Variants in ABI3BP observed in about 807,000 individuals in gnomAD.
ABI3BP encodes the protein target of Nesh-SH3.
A neutral mutation model predicts 268.6 loss-of-function variants in ABI3BP; 216 were observed. The ratio of observed to expected loss-of-function variants is 0.80; its 90% CI spans 0.72 to 0.90. The LOEUF (loss-of-function observed/expected upper bound fraction) is 0.90. ABI3BP is among the 40% of genes least tolerant of loss of function. The pLI is 0.00. For synonymous variants in ABI3BP, 730 were observed against 730.0 expected (o/e 1.00, Z 0.00); for missense variants, 2,090 against 2,182.4 (o/e 0.96, Z 0.84).
At chr3:100,796,077 G>C (rs886455075) in intron 52 of ABI3BP, among the ~76,000 whole-genome samples, 1 of 152,000 alleles carries the variant, frequency 6.6e-6, no homozygotes, top group Non-Finnish European at 1.5e-5. Context: ...ATTTCGAGTA[G>C]GCACCCACTT....
intron 65 of ABI3BP, among the ~76,000 whole-genome samples, chr3:100,753,529 C>A (rs2095451207): frequency 6.6e-6 from 1 of 151,930 alleles, no homozygotes; most frequent in African/African-American, 2.4e-5. Flanking sequence ...TGGGCTCAAG[C>A]AATCCTCCCA....
intron 63 of ABI3BP, among the ~76,000 whole-genome samples, chr3:100,758,583 A>C (rs566815391): frequency 6.6e-6 from 1 of 152,308 alleles, no homozygotes; most frequent in East Asian, 1.9e-4. Flanking sequence ...AAGATCGAAA[A>C]TTTAACAGGT....
chr3:100,963,633 C>A (rs1435012614), intron 1 of ABI3BP, among the ~76,000 whole-genome samples: 1 of 152,194 alleles, frequency 6.6e-6, no homozygotes, highest in Non-Finnish European at 1.5e-5. Context: ...ATGTAGTTGA[C>A]CCTCCAATGT....
chr3:100,854,542 T>G (rs943842025), intron 14 of ABI3BP, among the ~76,000 whole-genome samples: 13 of 152,308 alleles, frequency 8.5e-5, no homozygotes, highest in Middle Eastern at 6.8e-3. Flanking sequence ...AGCTATAAAA[T>G]TGATAAGTAG....
chr3:100,844,717 G>A (rs2098747821), intron 20 of ABI3BP, among the ~76,000 whole-genome samples: 1 of 151,552 alleles, frequency 6.6e-6, no homozygotes, highest in South Asian at 2.1e-4. Flanking sequence ...ACCATTCAAG[G>A]TCCATTTGAG....
Position 100,822,580 on chromosome 3 carries a change from A to C in ABI3BP, c.2887+9T>G, listed in dbSNP as rs2098262840. 6.5e-7 allele frequency: 1 copy of C among 1,535,064 alleles called. No homozygotes were observed. Among genetic ancestry groups the C allele is most frequent in the African/African-American group, 1.4e-5 (1 of 72,982 alleles). The stretch of plus-strand genomic sequence containing the variant: ...CAGGGACTCTTTAAACCAGGAACAC[A>C]TAGTTTACCTGGTTTGGATTCAGGT... On this transcript the variant is annotated intron_variant, in intron 38 of 67. Transcript: ENST00000471714.
At chr3:100,894,677 C>T (rs1196510886) in intron 4 of ABI3BP, among the ~76,000 whole-genome samples, 2 of 151,974 alleles carry the variant, frequency 1.3e-5, no homozygotes, top group East Asian at 1.9e-4. Context: ...CGGTGGCTCA[C>T]GCCTGTAATC....
chr3:100,764,102 A>G (rs908665427), intron 63 of ABI3BP, among the ~76,000 whole-genome samples: 7 of 152,162 alleles, frequency 4.6e-5, no homozygotes, highest in African/African-American at 2.4e-5. Context: ...GCACACAACC[A>G]TGCCATTTTG....
intron 44 of ABI3BP, among the ~76,000 whole-genome samples, chr3:100,815,455 G>C (rs1454894688): frequency 1.3e-5 from 2 of 152,062 alleles, no homozygotes; most frequent in African/African-American, 4.8e-5. Flanking sequence ...GAGGAGCCTG[G>C]AACTTTCAGG....
At chr3:100,829,151 A>AAAG (rs894217094) in intron 33 of ABI3BP, among the ~76,000 whole-genome samples, 3 of 151,674 alleles carry the variant, frequency 2.0e-5, no homozygotes, top group East Asian at 3.9e-4. Flanking sequence ...AAAAAAAAAA[A>AAAG]AAGAAGAAGA....
intron 1 of ABI3BP, among the ~76,000 whole-genome samples, chr3:100,986,252 C>A (rs192710465): frequency 6.5e-4 from 99 of 152,322 alleles, no homozygotes; most frequent in African/African-American, 2.3e-3. Context: ...CTGCTAACAA[C>A]CATGTGAGCT....
At chr3:100,762,442 A>C (rs182560234) in intron 63 of ABI3BP, among the ~76,000 whole-genome samples, 2 of 152,068 alleles carry the variant, frequency 1.3e-5, no homozygotes, top group Non-Finnish European at 2.9e-5. Context: ...CTTCCATCCT[A>C]TTCTTTATCA....
At chr3:100,860,090 A>C (rs1285682402) in intron 14 of ABI3BP, among the ~76,000 whole-genome samples, 1 of 152,098 alleles carries the variant, frequency 6.6e-6, no homozygotes, top group East Asian at 1.9e-4. Context: ...AAAAACAAAA[A>C]CAAAAACTTT....
chr3:100,822,503 T>A, intron 38 of ABI3BP, 86 bp downstream of exon 38: 1 of 1,214,668 alleles, frequency 8.2e-7, no homozygotes, highest in Non-Finnish European at 1.2e-6. Flanking sequence ...AGGGGCCTAT[T>A]GGTTACTCCC....
intron 1 of ABI3BP, among the ~76,000 whole-genome samples, chr3:100,943,980 CA>C (rs1231144605): frequency 3.9e-5 from 6 of 152,060 alleles, no homozygotes; most frequent in Admixed American, 3.9e-4. Context: ...TTATAATAGA[CA>C]ATTACTACAC....
intron 59 of ABI3BP, among the ~76,000 whole-genome samples, chr3:100,777,537 A>G (rs1163759459): frequency 6.6e-6 from 1 of 152,240 alleles, no homozygotes; most frequent in Non-Finnish European, 1.5e-5. Flanking sequence ...GGGGAAGAAA[A>G]GTATGCAAAC....
intron 53 of ABI3BP, among the ~76,000 whole-genome samples, chr3:100,795,386 A>G (rs1352525527): frequency 6.6e-6 from 1 of 152,026 alleles, no homozygotes; most frequent in African/African-American, 2.4e-5. Context: ...AGTCTGCTTG[A>G]GTAGACTCAA....
chr3:100,906,822 C>T (rs1224003307), intron 2 of ABI3BP, among the ~76,000 whole-genome samples: 1 of 152,174 alleles, frequency 6.6e-6, no homozygotes, highest in East Asian at 1.9e-4. Context: ...TGATAAATCC[C>T]AATTTTCACA....
Position 100,894,965 on chromosome 3 carries a change from A to AAAAAAAAAAAAAC in ABI3BP, c.461+3796_461+3797insGTTTTTTTTTTTT, listed in dbSNP as rs760156604. Among the ~76,000 whole-genome samples the AAAAAAAAAAAAAC allele has an allele frequency of 3.0e-4, 36 of 120,842 alleles. 1 individual carries two copies. The highest frequency in any genetic ancestry group is 5.1e-4 in the Non-Finnish European group (26 of 51,362). 79.3% of individuals were successfully genotyped at this position (120,842 alleles called of 152,430 possible). On this transcript the variant is annotated intron_variant, in intron 4 of 67. Coordinates refer to ENST00000471714, the MANE Select transcript of ABI3BP (RefSeq NM_001375547.2). ...AAAAAAAAAAAAAAAAAAAAAAAAA[A>AAAAAAAAAAAAAC]AACAGAAAAAAAAAACACAAGATGA...
Sources: gnomAD v4.1 joint callset for allele counts (sites outside exome capture counted in the v4.1 genomes callset) on GRCh38, gnomAD v4.1.1 for gene constraint, MANE v1.5 for transcripts, NCBI Gene and HGNC (gene_info 2026-07-23, HGNC 2026-07-21) for gene names.